MSH4: variants seen among roughly 807,000 people sequenced by gnomAD.
MSH4 encodes mutS protein homolog 4.
Under a neutral mutation model 113.7 loss-of-function variants are expected in MSH4, and 106 were observed. The observed-to-expected ratio is 0.93, with a 90% CI of 0.80 to 1.10. The LOEUF is 1.10. Among genes scored for constraint, MSH4 ranks in the 50% least tolerant of loss-of-function variants. The pLI, the probability that MSH4 is intolerant of heterozygous loss-of-function variation, is 0.00. For synonymous variants in MSH4, 368 were observed against 380.2 expected, an observed-to-expected ratio of 0.97 and a Z score of 0.37; for missense variants, 1,061 against 1,093.7, an observed-to-expected ratio of 0.97 and a Z score of 0.42.
At position 75,807,053 on chromosome 1, in the gene MSH4, C is replaced by A; in HGVS notation, c.500C>A (p.Ala167Asp). The A allele has an allele frequency of 6.3e-7, 1 of 1,588,910 alleles. No individual in the cohort carries two copies. Among genetic ancestry groups the A allele is most frequent in the South Asian group, 1.2e-5 (1 of 85,700 alleles). ...IVAVVEGRGL[A>D]RGEIGMASID... is the part of the protein sequence containing the mutation. ...GCTGTTGTAGAAGGGAGAGGACTTGCCAGAGGTGAAATAGGAATGGCAAGT... is the reference window on the plus strand; with the variant it reads ...GCTGTTGTAGAAGGGAGAGGACTTGACAGAGGTGAAATAGGAATGGCAAGT... The change falls in exon 3 of 20, where the codon GCC becomes GAC. Residue 167 changes from alanine to aspartate, a missense_variant. Ala to Asp is a moderately radical substitution (Grantham distance 126). Transcript: ENST00000263187.
chr1:75,806,909 T>C, intron 2 of MSH4, 72 bp from the exon 3 acceptor site: 1 of 1,352,686 alleles, frequency 7.4e-7, no homozygotes, highest in Non-Finnish European at 9.9e-7. Flanking sequence ...ATTAAGAATT[T>C]CCTAGTTTTT....
At chr1:75,818,789 G>A (rs1050182968) in intron 6 of MSH4, among the ~76,000 whole-genome samples, 1 of 151,992 alleles carries the variant, frequency 6.6e-6, no homozygotes, top group Non-Finnish European at 1.5e-5. Context: ...TTGAGATGGA[G>A]TCTCACTCTG....
intron 5 of MSH4, among the ~76,000 whole-genome samples, chr1:75,815,983 G>A (rs1433967007): frequency 6.6e-6 from 1 of 152,068 alleles, no homozygotes; most frequent in African/African-American, 2.4e-5. Flanking sequence ...ACCCCAGCCT[G>A]GTTGACAGAG....
At chr1:75,842,511 A>G (rs1570962274) in intron 7 of MSH4, among the ~76,000 whole-genome samples, 1 of 152,384 alleles carries the variant, frequency 6.6e-6, no homozygotes, top group Non-Finnish European at 1.5e-5. Flanking sequence ...ATATATGAAT[A>G]TCATTAATCA....
Position 75,897,964 on chromosome 1 carries a change from C to A in MSH4, c.2413C>A (p.Pro805Thr). The A allele has an allele frequency of 6.2e-7, 1 of 1,603,706 alleles. No individual in the cohort carries two copies. Among genetic ancestry groups the A allele is most frequent in the South Asian group, 1.1e-5 (1 of 88,674 alleles). ...LELCHIDALY[P>T]NVENMHFEVQ... Reference sequence around the variant, plus strand: ...ACTATGCCATATTGATGCCCTGTATCCTAATGTAGAAAACATGCATTTTGA... The same window carrying A: ...ACTATGCCATATTGATGCCCTGTATACTAATGTAGAAAACATGCATTTTGA... The change falls in exon 18 of 20, where the codon CCT (proline) becomes ACT (threonine). Residue 805 changes from proline (P) to threonine (T), a missense_variant. Coordinates refer to ENST00000263187, the MANE Select transcript of MSH4 (RefSeq NM_002440.4).
intron 7 of MSH4, among the ~76,000 whole-genome samples, chr1:75,825,631 A>G (rs1396001004): frequency 1.3e-5 from 2 of 151,992 alleles, no homozygotes; most frequent in Admixed American, 6.6e-5. Context: ...ATTTTGAGAT[A>G]TGTTCCATCA....
At chr1:75,895,052 G>A (rs1318460140) in intron 17 of MSH4, among the ~76,000 whole-genome samples, 2 of 151,966 alleles carry the variant, frequency 1.3e-5, no homozygotes, top group African/African-American at 2.4e-5. Flanking sequence ...ACCTTGCTCT[G>A]CTGACATAGA....
chr1:75,842,872 G>A (rs1650992427), intron 7 of MSH4, among the ~76,000 whole-genome samples: 1 of 152,080 alleles, frequency 6.6e-6, no homozygotes, highest in South Asian at 2.1e-4. Flanking sequence ...TCTTGTGGAG[G>A]GCCTGACATT....
Position 75,797,123 on chromosome 1 carries a change from G to A in MSH4, c.138G>A (p.Gln46=). Reference sequence around the variant, plus strand: ...CTCCACAGAGCCGCCCTTCGGTCCAGGTGGTCTCTGCATCCACCTGTCCTG... The same window carrying A: ...CTCCACAGAGCCGCCCTTCGGTCCAAGTGGTCTCTGCATCCACCTGTCCTG... ...QETPQSRPSV[Q]VVSASTCPGT... The change falls in exon 1 of 20, where the codon CAG becomes CAA. Residue 46 remains glutamine, a synonymous_variant. Coordinates refer to ENST00000263187, the MANE Select transcript of MSH4 (RefSeq NM_002440.4). The A allele has an allele frequency of 6.2e-7, 1 of 1,613,952 alleles. No homozygotes were observed. Among genetic ancestry groups the A allele is most frequent in the Non-Finnish European group, 8.5e-7 (1 of 1,179,902 alleles).
chr1:75,881,587 G>GA (rs984455803), intron 14 of MSH4, among the ~76,000 whole-genome samples: 3 of 151,714 alleles, frequency 2.0e-5, no homozygotes, highest in African/African-American at 7.3e-5. Flanking sequence ...AAACCAAAAA[G>GA]AAAAAATTGC....
At chr1:75,814,315 A>T (rs80160328) in intron 4 of MSH4, among the ~76,000 whole-genome samples, 1 of 140,144 alleles carries the variant, frequency 7.1e-6, no homozygotes, top group Non-Finnish European at 1.6e-5. Flanking sequence ...AAAAAAAAAA[A>T]TTAGCCAGAT....
At chr1:75,799,963 A>T (rs184701539) in intron 1 of MSH4, among the ~76,000 whole-genome samples, 18 of 152,284 alleles carry the variant, frequency 1.2e-4, no homozygotes, top group African/African-American at 4.3e-4. Context: ...GAAGAGAGAA[A>T]CTTGAGGGAA....
intron 7 of MSH4, among the ~76,000 whole-genome samples, chr1:75,832,033 C>T (rs538437574): frequency 3.3e-5 from 5 of 152,024 alleles, no homozygotes; most frequent in East Asian, 3.9e-4. Context: ...ATTGATAGAC[C>T]ACTAGCAAGA....
chr1:75,890,896 T>C, intron 17 of MSH4, 72 bp downstream of exon 17: 1 of 1,264,882 alleles, frequency 7.9e-7, no homozygotes, highest in South Asian at 1.4e-5. Flanking sequence ...TTGAATTTTA[T>C]GGACACCCAC....
At chr1:75,883,927 G>A in intron 15 of MSH4, 106 bp downstream of exon 15, 1 of 845,842 alleles carries the variant, frequency 1.2e-6, no homozygotes, top group Non-Finnish European at 1.9e-6. Context: ...GAACAGTTTG[G>A]AGCAGATTCT....
At chr1:75,870,947 G>A (rs75940675) in intron 9 of MSH4, among the ~76,000 whole-genome samples, 1,978 of 152,202 alleles carry the variant, frequency 0.013, 44 homozygotes, top group African/African-American at 0.045. Context: ...AAAGTAAAAG[G>A]CAAAGGTAGG....
intron 7 of MSH4, among the ~76,000 whole-genome samples, chr1:75,842,822 TTTCCCC>T (rs1650991178): frequency 2.0e-5 from 3 of 152,114 alleles, no homozygotes; most frequent in African/African-American, 7.2e-5. Context: ...GGAGTCTCCC[TTTCCCC>T]AGGGGAGTTT....
chr1:75,841,067 T>C (rs1650948767), intron 7 of MSH4, among the ~76,000 whole-genome samples: 1 of 152,150 alleles, frequency 6.6e-6, no homozygotes, highest in South Asian at 2.1e-4. Flanking sequence ...TTGATGTCCA[T>C]AGCAGTAATG....
rs746316566 is a variant in MSH4 at position 75,803,912 on chromosome 1, A to T, written c.426A>T (p.Ser142=). 6.8e-7 allele frequency: 1 copy of T among 1,472,480 alleles called. No homozygotes were observed. The highest frequency in any genetic ancestry group is 1.5e-5 in the South Asian group (1 of 67,076). 91.2% of individuals were successfully genotyped at this position (1,472,480 alleles called of 1,614,324 possible). Residue 142 remains serine, a splice_region_variant and synonymous_variant, in exon 2 of 20, where the codon TCA becomes TCT. Coordinates refer to ENST00000263187, the MANE Select transcript of MSH4 (RefSeq NM_002440.4). ...GCTGGACACCACAAGTGGGATATTC[A>T]GGTAAAATAAGTGGAAGATTAACCT... The part of the protein sequence containing the change: ...YKSWTPQVGY[S]ASSSSAISAH...
Sources: allele counts gnomAD v4.1 joint callset (sites outside exome capture counted in the v4.1 genomes callset), GRCh38; gene constraint gnomAD v4.1.1; transcripts MANE v1.5; gene names NCBI Gene and HGNC (gene_info 2026-07-23, HGNC 2026-07-21).